GRM7: variants seen among roughly 807,000 people sequenced by gnomAD.
GRM7 encodes the protein glutamate metabotropic receptor 7.
In GRM7, 35 loss-of-function variants were observed where a neutral mutation model predicts 84.5. The ratio of observed to expected loss-of-function variants is 0.41; its 90% CI spans 0.32 to 0.55. The LOEUF (loss-of-function observed/expected upper bound fraction) is 0.55. Among genes scored for constraint, GRM7 ranks in the 20% least tolerant of loss-of-function variants. The pLI is 0.19. For synonymous variants in GRM7, 487 were observed against 455.1 expected, an observed-to-expected ratio of 1.07 and a Z score of -0.89; for missense variants, 1,003 against 1,194.6, an observed-to-expected ratio of 0.84 and a Z score of 2.36.
At chr3:6,933,940 G>A (rs1697597312) in intron 1 of GRM7, among the ~76,000 whole-genome samples, 1 of 152,114 alleles carries the variant, frequency 6.6e-6, no homozygotes, top group Non-Finnish European at 1.5e-5. Flanking sequence ...TCTAGAGAAG[G>A]AACCAACAGG....
chr3:7,349,770 G>A (rs578093322), intron 4 of GRM7, among the ~76,000 whole-genome samples: 1 of 152,208 alleles, frequency 6.6e-6, no homozygotes, highest in South Asian at 2.1e-4. Flanking sequence ...TAATTGTCAA[G>A]GGTATAGATG....
intron 7 of GRM7, among the ~76,000 whole-genome samples, chr3:7,464,896 T>C (rs553325751): frequency 5.6e-4 from 85 of 151,386 alleles, no homozygotes; most frequent in Admixed American, 3.0e-3. Flanking sequence ...CTTGGGAGGC[T>C]GAGGCAGGAT....
intron 2 of GRM7, among the ~76,000 whole-genome samples, chr3:7,179,454 T>C (rs989577922): frequency 1.3e-5 from 2 of 152,236 alleles, no homozygotes; most frequent in Non-Finnish European, 2.9e-5. Flanking sequence ...TTTTTTTCAA[T>C]GTTTTCTCAT....
chr3:7,282,330 C>A (rs1182239467), intron 2 of GRM7, among the ~76,000 whole-genome samples: 1 of 152,106 alleles, frequency 6.6e-6, no homozygotes, highest in Non-Finnish European at 1.5e-5. Flanking sequence ...CATTCCTCCT[C>A]GAAACTCTTG....
intron 7 of GRM7, among the ~76,000 whole-genome samples, chr3:7,566,910 A>G (rs77022162): frequency 6.6e-6 from 1 of 152,206 alleles, no homozygotes; most frequent in African/African-American, 2.4e-5. Flanking sequence ...CCAACTATTC[A>G]ATTTCTCTGG....
chr3:7,314,487 G>A lies in GRM7; in HGVS notation c.1033+7835G>A, dbSNP rs143696946. Reference sequence around the variant, plus strand: ...AGACACTGACTATGGCCAATTGCTGGTGACCACAAAACAGAGATCTTTGCT... The same window carrying A: ...AGACACTGACTATGGCCAATTGCTGATGACCACAAAACAGAGATCTTTGCT... On this transcript the variant is annotated intron_variant, in intron 4 of 9. Coordinates refer to ENST00000357716, the MANE Select transcript of GRM7 (RefSeq NM_000844.4). 3.0e-3 allele frequency among the ~76,000 whole-genome samples: 450 copies of A among 152,208 alleles called. 4 individuals are homozygous for A. Among genetic ancestry groups the A allele is most frequent in the African/African-American group, 0.01 (427 of 41,536 alleles).
intron 7 of GRM7, among the ~76,000 whole-genome samples, chr3:7,562,677 T>A (rs1189564795): frequency 6.6e-6 from 1 of 152,102 alleles, no homozygotes; most frequent in African/African-American, 2.4e-5. Flanking sequence ...TTCCACAGAA[T>A]GTTGAGAGAT....
At chr3:7,080,488 A>G (rs1454658726) in intron 1 of GRM7, among the ~76,000 whole-genome samples, 1 of 152,024 alleles carries the variant, frequency 6.6e-6, no homozygotes, top group African/African-American at 2.4e-5. Flanking sequence ...TTTACTTGGC[A>G]TATTTTCTTA....
At chr3:7,123,918 A>G (rs936771916) in intron 1 of GRM7, among the ~76,000 whole-genome samples, 2 of 152,188 alleles carry the variant, frequency 1.3e-5, no homozygotes, top group African/African-American at 4.8e-5. Flanking sequence ...TATTTTGAAT[A>G]TACAACAATA....
intron 1 of GRM7, among the ~76,000 whole-genome samples, chr3:6,898,104 T>C (rs760863765): frequency 1.3e-5 from 2 of 152,144 alleles, no homozygotes; most frequent in Non-Finnish European, 2.9e-5. Flanking sequence ...AGTTAGGCCA[T>C]GCGAGACATC....
intron 1 of GRM7, among the ~76,000 whole-genome samples, chr3:7,140,273 C>T (rs996913954): frequency 2.0e-5 from 3 of 151,766 alleles, no homozygotes; most frequent in African/African-American, 7.3e-5. Context: ...GGTAGTATGT[C>T]AGAAAAAACA....
chr3:7,291,563 C>T (rs1000605573), intron 2 of GRM7, among the ~76,000 whole-genome samples: 7 of 130,010 alleles, frequency 5.4e-5, no homozygotes, highest in East Asian at 2.4e-4. Flanking sequence ...TCAATCCCTC[C>T]GTCTGTCTAT....
At chr3:7,160,452 G>C (rs1182273983) in intron 2 of GRM7, among the ~76,000 whole-genome samples, 1 of 152,266 alleles carries the variant, frequency 6.6e-6, no homozygotes, top group Middle Eastern at 3.4e-3. Flanking sequence ...AATGCCAGGA[G>C]AGTGCATGCA....
intron 1 of GRM7, among the ~76,000 whole-genome samples, chr3:6,890,073 G>T (rs1232278692): frequency 1.3e-5 from 2 of 152,068 alleles, no homozygotes; most frequent in Admixed American, 6.6e-5. Context: ...GGGATCAGTG[G>T]TGATATCCCC....
intron 5 of GRM7, among the ~76,000 whole-genome samples, chr3:7,442,003 T>G (rs1313349824): frequency 6.6e-6 from 1 of 152,162 alleles, no homozygotes; most frequent in Non-Finnish European, 1.5e-5. Context: ...GCTTTTTTTT[T>G]TCTAATTCTG....
intron 7 of GRM7, among the ~76,000 whole-genome samples, chr3:7,554,500 G>A (rs1445823393): frequency 1.3e-5 from 2 of 152,220 alleles, no homozygotes; most frequent in African/African-American, 4.8e-5. Context: ...TAAAGTACAA[G>A]TGTAATTGTA....
intron 2 of GRM7, among the ~76,000 whole-genome samples, chr3:7,279,629 C>G (rs548780644): frequency 3.5e-4 from 54 of 152,278 alleles, no homozygotes; most frequent in African/African-American, 1.3e-3. Flanking sequence ...AGAGGCAAGA[C>G]ACCAAACAGC....
intron 7 of GRM7, among the ~76,000 whole-genome samples, chr3:7,510,645 C>T (rs543165145): frequency 3.3e-5 from 5 of 152,148 alleles, no homozygotes; most frequent in African/African-American, 4.8e-5. Flanking sequence ...TGGGTCAGCT[C>T]GAGGATATAG....
At chr3:7,509,229 C>T (rs770515187) in intron 7 of GRM7, among the ~76,000 whole-genome samples, 1 of 151,996 alleles carries the variant, frequency 6.6e-6, no homozygotes, top group Non-Finnish European at 1.5e-5. Flanking sequence ...AGAGAGAGAA[C>T]AAAAGAGAGA....
Sources: gnomAD v4.1 joint callset for allele counts (sites outside exome capture counted in the v4.1 genomes callset) on GRCh38, gnomAD v4.1.1 for gene constraint, MANE v1.5 for transcripts, NCBI Gene and HGNC (gene_info 2026-07-23, HGNC 2026-07-21) for gene names.